ADAMTS12: variants seen among roughly 807,000 people sequenced by gnomAD.
ADAMTS12 encodes A disintegrin and metalloproteinase with thrombospondin motifs 12.
Under a neutral mutation model 167.8 loss-of-function variants are expected in ADAMTS12, and 118 were observed. The observed-to-expected ratio is 0.70, with a 90% CI of 0.61 to 0.82. The LOEUF is 0.82. Among genes scored for constraint, ADAMTS12 ranks in the 40% least tolerant of loss-of-function variants. The probability of loss-of-function intolerance (pLI) is 0.00; values close to 1 mark genes in which losing one functional copy is unlikely to be tolerated. For synonymous variants in ADAMTS12, 704 were observed against 716.9 expected, an observed-to-expected ratio of 0.98 and a Z score of 0.29; for missense variants, 1,916 against 1,998.8, an observed-to-expected ratio of 0.96 and a Z score of 0.79.
chr5:33,794,061 G>A (rs945638358), intron 2 of ADAMTS12, among the ~76,000 whole-genome samples: 1 of 152,156 alleles, frequency 6.6e-6, no homozygotes, highest in Non-Finnish European at 1.5e-5. Flanking sequence ...CAGCGGGAAT[G>A]GGCTGCTTGA....
At chr5:33,775,917 T>G (rs1356196209) in intron 2 of ADAMTS12, among the ~76,000 whole-genome samples, 1 of 152,192 alleles carries the variant, frequency 6.6e-6, no homozygotes, top group Non-Finnish European at 1.5e-5. Context: ...GGGAGCTCAT[T>G]ATCCCTTCTG....
chr5:33,877,358 G>A (rs2111759859), intron 2 of ADAMTS12, among the ~76,000 whole-genome samples: 1 of 152,254 alleles, frequency 6.6e-6, no homozygotes, highest in Non-Finnish European at 1.5e-5. Flanking sequence ...GCACGAGGGT[G>A]GATATCTTGG....
At position 33,644,114 on chromosome 5, in the gene ADAMTS12, C is replaced by T. The variant is rs141382446; in HGVS notation, c.1480-644G>A. ...GTCTATTCATCTTCCATAGTTCTATCCACTTATTGTGTTCTACACTGCATG... is the reference window on the plus strand; with the variant it reads ...GTCTATTCATCTTCCATAGTTCTATTCACTTATTGTGTTCTACACTGCATG... On this transcript the variant is annotated intron_variant, in intron 9 of 23. Transcript: ENST00000504830. 9.5e-4 allele frequency among the ~76,000 whole-genome samples: 144 copies of T among 152,312 alleles called. 2 individuals are homozygous for T. In the East Asian group the frequency reaches 0.026, roughly 27 times the overall value.
chr5:33,728,104 T>G (rs1350601769), intron 3 of ADAMTS12, among the ~76,000 whole-genome samples: 1 of 152,164 alleles, frequency 6.6e-6, no homozygotes, highest in Non-Finnish European at 1.5e-5. Flanking sequence ...AGGCAACAGT[T>G]AAATGACTGT....
intron 2 of ADAMTS12, among the ~76,000 whole-genome samples, chr5:33,769,114 T>C (rs1389303738): frequency 1.3e-5 from 2 of 151,820 alleles, no homozygotes; most frequent in Non-Finnish European, 2.9e-5. Flanking sequence ...AAAGGCTGGC[T>C]TGGAAGATGG....
At chr5:33,842,256 G>A (rs1748773165) in intron 2 of ADAMTS12, among the ~76,000 whole-genome samples, 1 of 152,210 alleles carries the variant, frequency 6.6e-6, no homozygotes, top group Non-Finnish European at 1.5e-5. Flanking sequence ...AGCGAAATGT[G>A]CTTTCTTCAT....
Position 33,658,233 on chromosome 5 carries a change from C to A in ADAMTS12, c.1141G>T (p.Asp381Tyr), listed in dbSNP as rs1269289032. Reference protein sequence around the residue: ...QPHRSCNINEDSGLPLAFTIA... With the variant: ...QPHRSCNINEYSGLPLAFTIA... ...GTGAAAGCCAGAGGGAGTCCCGAAT[C>A]TTCATTGATGTTACAACTGCGGTGA... Residue 381 changes from aspartate (D) to tyrosine (Y), a missense_variant, in exon 7 of 24, where the codon GAT becomes TAT. By Grantham distance (160) the Asp-to-Tyr change is radical (BLOSUM62 -3). Coordinates refer to ENST00000504830, the MANE Select transcript of ADAMTS12 (RefSeq NM_030955.4). 6.2e-7 allele frequency: 1 copy of A among 1,613,730 alleles called. No individual in the cohort carries two copies. The highest frequency in any genetic ancestry group is 8.5e-7 in the Non-Finnish European group (1 of 1,179,702).
chr5:33,582,720 T>A (rs1747130793), intron 18 of ADAMTS12, among the ~76,000 whole-genome samples: 1 of 152,228 alleles, frequency 6.6e-6, no homozygotes, highest in Non-Finnish European at 1.5e-5. Flanking sequence ...AGACTCTGTG[T>A]GTGTCTGCTT....
chr5:33,753,016 G>GA (rs1276053938), intron 2 of ADAMTS12, among the ~76,000 whole-genome samples: 2 of 152,140 alleles, frequency 1.3e-5, no homozygotes, highest in African/African-American at 2.4e-5. Context: ...AAGCACAATA[G>GA]AAAAAATAGA....
chr5:33,545,984 C>G lies in ADAMTS12; in HGVS notation c.4446+75G>C, dbSNP rs1744959395. 4.6e-6 allele frequency: 7 copies of G among 1,524,210 alleles called. No individual in the cohort carries two copies. In the South Asian group the frequency reaches 6.6e-5, roughly 14 times the overall value. The allele number at this position is 1,524,210 out of a possible 1,614,324, so 94.4% of individuals were successfully genotyped here. On this transcript the variant is annotated intron_variant, in intron 22 of 23. Coordinates refer to ENST00000504830, the MANE Select transcript of ADAMTS12 (RefSeq NM_030955.4). ...ATGTAACAAACCTGCACGTTGTGCACAGGTACCCTAGAACTTAAAGTATTA... is the reference window on the plus strand; with the variant it reads ...ATGTAACAAACCTGCACGTTGTGCAGAGGTACCCTAGAACTTAAAGTATTA...
intron 2 of ADAMTS12, among the ~76,000 whole-genome samples, chr5:33,779,473 G>A (rs1037854603): frequency 2.0e-5 from 3 of 152,030 alleles, no homozygotes; most frequent in East Asian, 1.9e-4. Context: ...GGCATGAGCC[G>A]TCGCATTTGG....
chr5:33,644,983 G>A (rs1740606275), intron 9 of ADAMTS12, among the ~76,000 whole-genome samples: 1 of 151,964 alleles, frequency 6.6e-6, no homozygotes, highest in Admixed American at 6.6e-5. Flanking sequence ...GCCCACCTTG[G>A]CCTCCCAAAG....
rs764250440 is a variant in ADAMTS12, at chr5:33,588,670, G to A, written c.2794C>T (p.Pro932Ser). Residue 932 changes from proline to serine, a missense_variant, in exon 18 of 24, where the codon CCC becomes TCC. Transcript: ENST00000504830. Reference sequence around the variant, plus strand: ...CTGTTGCAGGAAAGGAGGGTCTTGGGCTTCAGCAGGTGCTGGCAGTCTGTG... The same window carrying A: ...CTGTTGCAGGAAAGGAGGGTCTTGGACTTCAGCAGGTGCTGGCAGTCTGTG... ...PPTDCQHLLK[P>S]KTLLSCNRDI... 1 of 1,614,154 alleles carries A rather than the reference G, an allele frequency of 6.2e-7. No individual in the cohort carries two copies. The highest frequency in any genetic ancestry group is 1.1e-5 in the South Asian group (1 of 91,084).
intron 19 of ADAMTS12, among the ~76,000 whole-genome samples, chr5:33,571,649 A>G (rs1363493941): frequency 1.8e-4 from 28 of 151,802 alleles, no homozygotes; most frequent in Non-Finnish European, 2.5e-4. Flanking sequence ...AAAGCAGGAA[A>G]GATCCAAAAT....
intron 20 of ADAMTS12, among the ~76,000 whole-genome samples, chr5:33,557,873 G>A (rs965456474): frequency 2.6e-5 from 4 of 152,054 alleles, no homozygotes; most frequent in Non-Finnish European, 5.9e-5. Context: ...CAGATCAGCA[G>A]CAGCATTAGA....
chr5:33,874,692 G>C (rs1243433202), intron 2 of ADAMTS12, among the ~76,000 whole-genome samples: 2 of 152,188 alleles, frequency 1.3e-5, no homozygotes, highest in Non-Finnish European at 2.9e-5. Context: ...ATGTCTTTCA[G>C]TAGGTGAATG....
chr5:33,845,916 C>A (rs970686384), intron 2 of ADAMTS12, among the ~76,000 whole-genome samples: 1 of 152,132 alleles, frequency 6.6e-6, no homozygotes, highest in Non-Finnish European at 1.5e-5. Flanking sequence ...GAGGTGCCAG[C>A]CTCTTGTCAA....
At chr5:33,811,618 T>C (rs1272838168) in intron 2 of ADAMTS12, among the ~76,000 whole-genome samples, 1 of 152,068 alleles carries the variant, frequency 6.6e-6, no homozygotes, top group Non-Finnish European at 1.5e-5. Context: ...AGAGAGAAAA[T>C]GGGGCCATAT....
chr5:33,582,285 C>G (rs978670093), intron 18 of ADAMTS12, among the ~76,000 whole-genome samples: 1 of 152,164 alleles, frequency 6.6e-6, no homozygotes, highest in Admixed American at 6.5e-5. Context: ...GCTACTGATG[C>G]CTGGGAAGAA....
Sources: gnomAD v4.1 joint callset for allele counts (sites outside exome capture counted in the v4.1 genomes callset) on GRCh38, gnomAD v4.1.1 for gene constraint, MANE v1.5 for transcripts, NCBI Gene and HGNC (gene_info 2026-07-23, HGNC 2026-07-21) for gene names.